The following ARFGEF1 variants were observed in gnomAD, a reference collection of about 807,000 sequenced individuals.
ARFGEF1 encodes the protein brefeldin A-inhibited guanine nucleotide-exchange protein 1.
Under a neutral mutation model 231.0 loss-of-function variants are expected in ARFGEF1, and 42 were observed. That is an observed-to-expected ratio of 0.18 (90% CI 0.14 to 0.24). The LOEUF is 0.24. Ranked by LOEUF, ARFGEF1 falls within the 10% of genes least tolerant of loss-of-function variation. ARFGEF1 has a pLI of 1.00. For synonymous variants in ARFGEF1, 710 were observed against 732.3 expected (o/e 0.97, Z 0.49); for missense variants, 1,345 against 2,192.0 (o/e 0.61, Z 7.72).
chr8:67,223,430 C>T (rs890461400), intron 29 of ARFGEF1, among the ~76,000 whole-genome samples: 1 of 152,076 alleles, frequency 6.6e-6, no homozygotes, highest in Non-Finnish European at 1.5e-5. Context: ...TCAAACAATC[C>T]TCCCACCTTG....
intron 9 of ARFGEF1, 109 bp from the exon 10 acceptor site, chr8:67,272,045 T>C: frequency 2.9e-6 from 2 of 690,224 alleles, no homozygotes; most frequent in Non-Finnish European, 2.4e-6. Context: ...TTCATAAACT[T>C]TGTAAATGGA....
intron 17 of ARFGEF1, among the ~76,000 whole-genome samples, chr8:67,256,937 A>G (rs958598281): frequency 5.9e-5 from 9 of 152,210 alleles, no homozygotes; most frequent in African/African-American, 2.2e-4. Flanking sequence ...AAATGGTATG[A>G]TATCTGAGAT....
At position 67,228,096 on chromosome 8, in the gene ARFGEF1, T is replaced by C. The variant is rs955116586; in HGVS notation, c.3458A>G (p.Asp1153Gly). The change falls in exon 25 of 39, where the codon GAT becomes GGT. Residue 1153 changes from aspartate to glycine, a missense_variant. Physicochemically the swap from Asp to Gly is moderately conservative, Grantham distance 94 (BLOSUM62 -1). Around this residue, in one of 14 missense-constraint regions of ARFGEF1, gnomAD observed 146 missense variants for 321.4 expected, o/e 0.45. Coordinates refer to ENST00000262215, the MANE Select transcript of ARFGEF1 (RefSeq NM_006421.5). ...TGGGTGTGTCGTGGAAAGTAATTCA[T>C]CCATAGACACAGCACAGAGCCAACG... is the stretch of plus-strand genomic sequence containing the variant. ...FVRWLCAVSM[D>G]ELLSTTHPRM... 1.9e-6 allele frequency: 3 copies of C among 1,610,614 alleles called. No homozygotes were observed. Among genetic ancestry groups the C allele is most frequent in the South Asian group, 1.1e-5 (1 of 90,316 alleles).
chr8:67,179,283 T>C (rs1832442842), intron 5 of ARFGEF1, among the ~76,000 whole-genome samples: 1 of 152,218 alleles, frequency 6.6e-6, no homozygotes, highest in South Asian at 2.1e-4. Flanking sequence ...CTCCACTATA[T>C]CTGTGCTGCA....
intron 34 of ARFGEF1, among the ~76,000 whole-genome samples, chr8:67,205,972 A>C (rs1399580922): frequency 6.6e-6 from 1 of 152,204 alleles, no homozygotes; most frequent in African/African-American, 2.4e-5. Flanking sequence ...TGAGACAGGA[A>C]GTGAGGGCAG....
At chr8:67,178,231 A>AGT (rs2129569893) in intron 5 of ARFGEF1, among the ~76,000 whole-genome samples, 1 of 152,296 alleles carries the variant, frequency 6.6e-6, no homozygotes, top group East Asian at 1.9e-4. Flanking sequence ...CAGTAGTGGG[A>AGT]GTAGGAGTCT....
intron 7 of ARFGEF1, among the ~76,000 whole-genome samples, chr8:67,286,806 G>C (rs1202799472): frequency 6.6e-6 from 1 of 151,956 alleles, no homozygotes; most frequent in Non-Finnish European, 1.5e-5. Flanking sequence ...TTAACAGAAT[G>C]ACTCCCATCT....
At position 67,258,194 on chromosome 8, in the gene ARFGEF1, C is replaced by T; in HGVS notation, c.2332G>A (p.Val778Ile). 1 of 1,612,412 alleles carries T rather than the reference C, an allele frequency of 6.2e-7. No individual in the cohort carries two copies. Among genetic ancestry groups the T allele is most frequent in the Non-Finnish European group, 8.5e-7 (1 of 1,178,558 alleles). Reference protein sequence around the residue: ...DQHDFSGKDFVSALRMFLEGF... With the variant: ...DQHDFSGKDFISALRMFLEGF... ...TCTAGAAACATACGAAGGGCTGAAA[C>T]GAAGTCTTTTCCTGAAAAGTCATGT... is the stretch of plus-strand genomic sequence containing the variant. The change falls in exon 16 of 39, where the codon GTT becomes ATT. Residue 778 changes from valine to isoleucine, a missense_variant. Transcript: ENST00000262215.
intron 29 of ARFGEF1, among the ~76,000 whole-genome samples, chr8:67,221,523 TAAAGA>T (rs1477670069): frequency 6.6e-6 from 1 of 152,184 alleles, no homozygotes; most frequent in Non-Finnish European, 1.5e-5. Flanking sequence ...AATAAGGATA[TAAAGA>T]AAATACTTTT....
intron 5 of ARFGEF1, chr8:67,175,632 T>A (rs1831435783): frequency 4.3e-6 from 3 of 701,104 alleles, no homozygotes; most frequent in Non-Finnish European, 7.8e-6. Flanking sequence ...ACTAGGGTGG[T>A]GTATTCATGC....
downstream of ARFGEF1, chr8:67,193,601 A>T: frequency 1.2e-6 from 2 of 1,612,304 alleles, no homozygotes; most frequent in South Asian, 2.2e-5. Flanking sequence ...CTATTAATAC[A>T]GGTAAATGAC....
chr8:67,215,507 A>T (rs1287643086), intron 33 of ARFGEF1, among the ~76,000 whole-genome samples: 1 of 152,210 alleles, frequency 6.6e-6, no homozygotes, highest in Non-Finnish European at 1.5e-5. Context: ...ATCATCCTGG[A>T]TTTCAGGTAA....
chr8:67,226,802 T>A (rs1839390247), intron 27 of ARFGEF1, among the ~76,000 whole-genome samples: 1 of 152,100 alleles, frequency 6.6e-6, no homozygotes, highest in Admixed American at 6.6e-5. Context: ...CTCAAGACCA[T>A]CTCCATCACT....
downstream of ARFGEF1, chr8:67,195,763 A>ATGAT (rs1157847756): frequency 6.7e-6 from 4 of 597,720 alleles, no homozygotes; most frequent in Non-Finnish European, 1.2e-5. Flanking sequence ...ATAAAAGGCC[A>ATGAT]TGATTATTGA....
At chr8:67,333,894 T>C (rs993316894) in intron 1 of ARFGEF1, among the ~76,000 whole-genome samples, 2 of 152,174 alleles carry the variant, frequency 1.3e-5, no homozygotes, top group East Asian at 3.9e-4. Context: ...TCCCAGCACT[T>C]TGGGAGGCCA....
Position 67,227,258 on chromosome 8 carries a change from A to G in ARFGEF1, c.3795T>C (p.Asn1265=). The change falls in exon 27 of 39, where the codon AAT becomes AAC. Residue 1265 remains asparagine, a synonymous_variant. Coordinates refer to ENST00000262215, the MANE Select transcript of ARFGEF1 (RefSeq NM_006421.5). The part of the protein sequence containing the change: ...MVVRCIAQMV[N]SQAANIRSGW... ...CAGATCGAATGTTAGCAGCTTGAGA[A>G]TTAACCATCTGTGCTATACACCGTA... 6.2e-7 allele frequency: 1 copy of G among 1,613,156 alleles called. No homozygotes were observed. Among genetic ancestry groups the G allele is most frequent in the Non-Finnish European group, 8.5e-7 (1 of 1,179,278 alleles).
chr8:67,210,830 G>A (rs57551749), intron 34 of ARFGEF1, among the ~76,000 whole-genome samples: 15,270 of 147,418 alleles, frequency 0.1, 935 homozygotes, highest in African/African-American at 0.19. Context: ...TGAGGCGGGC[G>A]GATCATAAGG....
At chr8:67,323,003 T>C (rs556858288) in intron 1 of ARFGEF1, among the ~76,000 whole-genome samples, 2 of 152,284 alleles carry the variant, frequency 1.3e-5, no homozygotes, top group African/African-American at 4.8e-5. Context: ...ACGCCTGTAA[T>C]CCCAGATTAC....
At chr8:67,227,047 A>G in intron 27 of ARFGEF1, 90 bp downstream of exon 27, 1 of 1,235,298 alleles carries the variant, frequency 8.1e-7, no homozygotes. Context: ...TAAAGGCCAT[A>G]ATCTTATTGT....
Sources: allele counts gnomAD v4.1 joint callset (sites outside exome capture counted in the v4.1 genomes callset), GRCh38; gene constraint gnomAD v4.1.1; regional missense constraint gnomAD v4.1.1; transcripts MANE v1.5; gene names NCBI Gene and HGNC (gene_info 2026-07-23, HGNC 2026-07-21).